PARVB: variants seen among roughly 807,000 people sequenced by gnomAD.
PARVB encodes the protein parvin beta.
Under a neutral mutation model 47.0 loss-of-function variants are expected in PARVB, and 46 were observed. The ratio of observed to expected loss-of-function variants is 0.98; its 90% CI spans 0.77 to 1.25. PARVB has a LOEUF of 1.25. PARVB is among the 50% of genes most tolerant of loss of function. The probability of loss-of-function intolerance (pLI) is 0.00; values close to 1 mark genes in which losing one functional copy is unlikely to be tolerated. For synonymous variants in PARVB, 196 were observed against 196.3 expected (o/e 1.00, Z 0.01); for missense variants, 473 against 471.6 (o/e 1.00, Z -0.03).
intron 4 of PARVB, among the ~76,000 whole-genome samples, chr22:44,123,601 T>C (rs921634587): frequency 1.4e-4 from 21 of 152,172 alleles, no homozygotes; most frequent in Non-Finnish European, 2.9e-4. Context: ...TTTTTATAGA[T>C]ACGAGGCTTT....
intron 1 of PARVB, among the ~76,000 whole-genome samples, chr22:44,059,654 T>A (rs1252950936): frequency 6.6e-6 from 1 of 152,222 alleles, no homozygotes; most frequent in Non-Finnish European, 1.5e-5. Context: ...AGATGCCTGT[T>A]GCCACAAAAT....
At chr22:44,119,614 G>A (rs866533146) in intron 4 of PARVB, among the ~76,000 whole-genome samples, 34 of 152,168 alleles carry the variant, frequency 2.2e-4, no homozygotes, top group African/African-American at 6.3e-4. Context: ...TGATCTTCCC[G>A]GGACTGACTG....
intron 1 of PARVB, among the ~76,000 whole-genome samples, chr22:44,071,925 G>A (rs533860854): frequency 9.2e-5 from 14 of 152,306 alleles, no homozygotes; most frequent in Non-Finnish European, 1.9e-4. Context: ...GAAGGGAGGC[G>A]CAGCTGGGCG....
rs949354410 is a variant in PARVB at position 44,120,843 on chromosome 22, T to G, written c.376+1703T>G. Among the ~76,000 whole-genome samples the G allele has an allele frequency of 6.2e-4, 77 of 124,690 alleles. 1 individual carries two copies. The highest frequency in any genetic ancestry group is 1.7e-3 in the South Asian group (8 of 4,702). 81.8% of individuals were successfully genotyped at this position (124,690 alleles called of 152,430 possible). A position where few individuals can be genotyped will look rare whatever the true frequency, so the allele number is the denominator to read the frequency against. On this transcript the variant is annotated intron_variant, in intron 4 of 12. Coordinates refer to ENST00000338758, the MANE Select transcript of PARVB (RefSeq NM_013327.5). ...GATGTGTACCACCACACTTGGCTGT[T>G]TTTTTTTTTTCTTTTTTTGAAATGG...
intron 1 of PARVB, chr22:44,081,695 G>GC (rs1347004892): frequency 2.3e-6 from 2 of 880,328 alleles, no homozygotes; most frequent in Non-Finnish European, 2.7e-6. Context: ...GGGTTCCATT[G>GC]CCCCCCGCCT....
intron 1 of PARVB, among the ~76,000 whole-genome samples, chr22:44,052,776 C>T (rs2051234575): frequency 6.6e-6 from 1 of 152,076 alleles, no homozygotes; most frequent in African/African-American, 2.4e-5. Flanking sequence ...GACCCTGTCT[C>T]TACAACAAAT....
chr22:44,082,598 CATT>C (rs1158626534), intron 1 of PARVB, among the ~76,000 whole-genome samples: 1 of 152,172 alleles, frequency 6.6e-6, no homozygotes, highest in Non-Finnish European at 1.5e-5. Flanking sequence ...ATCAGATCAT[CATT>C]GTCTCTAAAG....
At position 44,100,038 on chromosome 22, in the gene PARVB, T is replaced by A. The variant is rs1425692797; in HGVS notation, c.203-15T>A. On this transcript the variant is annotated splice_polypyrimidine_tract_variant and intron_variant, in intron 2 of 12. Coordinates refer to ENST00000338758, the MANE Select transcript of PARVB (RefSeq NM_013327.5). ...CCCACAATCGCTGACCGTGACTTCC[T>A]TTTGTCCCTGGCAGAGGAGAACGAG... is the stretch of plus-strand genomic sequence containing the variant. 1.9e-6 allele frequency: 3 copies of A among 1,612,566 alleles called. No individual in the cohort carries two copies. In the Admixed American group the frequency reaches 5.0e-5, roughly 27 times the overall value.
intron 2 of PARVB, among the ~76,000 whole-genome samples, chr22:44,015,322 T>TAACAAA (rs772644617): frequency 1.3e-5 from 2 of 152,106 alleles, no homozygotes; most frequent in Non-Finnish European, 2.9e-5. Context: ...AAGAGCAGCC[T>TAACAAA]GAAAAATCAA....
intron 1 of PARVB, among the ~76,000 whole-genome samples, chr22:44,057,278 A>C (rs2051332905): frequency 6.6e-6 from 1 of 152,128 alleles, no homozygotes; most frequent in Admixed American, 6.5e-5. Context: ...ACGCTCAATA[A>C]ATATTTGTTA....
chr22:44,015,399 A>G (rs1183504665), intron 2 of PARVB, among the ~76,000 whole-genome samples: 3 of 152,234 alleles, frequency 2.0e-5, no homozygotes, highest in Non-Finnish European at 2.9e-5. Context: ...GCCAATAGAA[A>G]AGGGCTACCT....
At chr22:44,147,607 G>A (rs950214169) in intron 8 of PARVB, 91 of 684,060 alleles carry the variant, frequency 1.3e-4, no homozygotes, top group Middle Eastern at 4.0e-4. Context: ...TAAAAAGCAG[G>A]TGGAAGGGAC....
chr22:44,157,600 T>G (rs2053962825), intron 10 of PARVB, among the ~76,000 whole-genome samples: 1 of 152,148 alleles, frequency 6.6e-6, no homozygotes, highest in Non-Finnish European at 1.5e-5. Context: ...TATTTCCAGC[T>G]GGGTACAGTG....
chr22:44,027,218 T>C (rs73888819), intron 1 of PARVB, among the ~76,000 whole-genome samples: 4,111 of 152,218 alleles, frequency 0.027, 151 homozygotes, highest in East Asian at 0.096. Flanking sequence ...TCAGCTTTAC[T>C]GGGGCTTGGA....
intron 1 of PARVB, among the ~76,000 whole-genome samples, chr22:44,083,682 T>G (rs2051959685): frequency 6.6e-6 from 1 of 152,014 alleles, no homozygotes; most frequent in Non-Finnish European, 1.5e-5. Context: ...AATGGCCTCA[T>G]CAGACGATGA....
chr22:44,160,547 G>A (rs1343909421), intron 11 of PARVB, among the ~76,000 whole-genome samples: 1 of 152,194 alleles, frequency 6.6e-6, no homozygotes, highest in Admixed American at 6.5e-5. Context: ...GCTGGGGTGA[G>A]CGGTCCCCAG....
rs546081888 is a variant in PARVB at position 44,170,504 on chromosome 22, T to C, written c.*1826T>C. On this transcript the variant is annotated 3_prime_UTR_variant, in exon 13 of 13. Coordinates refer to ENST00000338758, the MANE Select transcript of PARVB (RefSeq NM_013327.5). ...AGGATATGAAGTGTTCATGTTACTC[T>C]CCCTGTAGCCCTGAGAGCATCTCCC... 6.6e-6 allele frequency: 1 copy of C among 152,306 alleles called. No individual in the cohort carries two copies. The highest frequency in any genetic ancestry group is 2.4e-5 in the African/African-American group (1 of 41,556). The allele number at this position is 152,306 out of a possible 1,614,324, so 9.4% of individuals were successfully genotyped here. A position where few individuals can be genotyped will look rare whatever the true frequency, so the allele number is the denominator to read the frequency against.
At chr22:44,111,401 A>AGG (rs965914157) in intron 3 of PARVB, 5 of 119,088 alleles carry the variant, frequency 4.2e-5, no homozygotes, top group Admixed American at 3.4e-4. Flanking sequence ...TCGGGATTTT[A>AGG]GGGGGTGTTT....
At chr22:44,037,464 T>C (rs917459985) in intron 1 of PARVB, among the ~76,000 whole-genome samples, 2 of 152,142 alleles carry the variant, frequency 1.3e-5, no homozygotes, top group African/African-American at 4.8e-5. Context: ...GAGCTTATAA[T>C]AATCACACCG....
Sources: allele counts gnomAD v4.1 joint callset (sites outside exome capture counted in the v4.1 genomes callset), GRCh38; gene constraint gnomAD v4.1.1; transcripts MANE v1.5; gene names NCBI Gene and HGNC (gene_info 2026-07-23, HGNC 2026-07-21).